FAM222B: variants seen among roughly 807,000 people sequenced by gnomAD.
The protein encoded by FAM222B is protein FAM222B.
FAM222B carries 12 observed loss-of-function variants against 38.0 expected under a neutral mutation model. That is an observed-to-expected ratio of 0.32 (90% CI 0.20 to 0.51). FAM222B has a LOEUF of 0.51. Among genes scored for constraint, FAM222B ranks in the 20% least tolerant of loss-of-function variants. The pLI, the probability that FAM222B is intolerant of heterozygous loss-of-function variation, is 0.97. For synonymous variants in FAM222B, 329 were observed against 317.2 expected (o/e 1.04, Z -0.40); for missense variants, 716 against 754.2 (o/e 0.95, Z 0.59).
At chr17:28,818,695 G>A (rs2038113534) in intron 1 of FAM222B, among the ~76,000 whole-genome samples, 1 of 152,140 alleles carries the variant, frequency 6.6e-6, no homozygotes, top group Non-Finnish European at 1.5e-5. Context: ...CAAAATGACT[G>A]CTCCATCATT....
At chr17:28,771,285 A>G (rs997885754) in intron 1 of FAM222B, among the ~76,000 whole-genome samples, 1 of 152,154 alleles carries the variant, frequency 6.6e-6, no homozygotes, top group African/African-American at 2.4e-5. Context: ...ATAACTGAGG[A>G]AGGTAGAGTA....
At chr17:28,815,353 A>G (rs993803230) in intron 1 of FAM222B, among the ~76,000 whole-genome samples, 2 of 152,022 alleles carry the variant, frequency 1.3e-5, no homozygotes, top group Non-Finnish European at 1.5e-5. Context: ...AGCTGAGACT[A>G]CAGGTGCCTG....
In FAM222B at chr17:28,757,977, G is replaced by C. The variant is rs2034788378; in HGVS notation, c.*293C>G. On this transcript the variant is annotated 3_prime_UTR_variant, in exon 3 of 3. Coordinates refer to ENST00000581407, the MANE Select transcript of FAM222B (RefSeq NM_001077498.3). ...GGAAACAGGAAGAGATTCAAGAAAAGATGGGTGGGAGCTGGCTGGAAATGG... is the reference window on the plus strand; with the variant it reads ...GGAAACAGGAAGAGATTCAAGAAAACATGGGTGGGAGCTGGCTGGAAATGG... The C allele has an allele frequency of 3.3e-6, 1 of 307,180 alleles. No homozygotes were observed. The highest frequency in any genetic ancestry group is 6.6e-5 in the South Asian group (1 of 15,066). 19.0% of individuals were successfully genotyped at this position (307,180 alleles called of 1,614,324 possible). A position where few individuals can be genotyped will look rare whatever the true frequency, so the allele number is the denominator to read the frequency against.
At position 28,811,819 on chromosome 17, in the gene FAM222B, A is replaced by G. The variant is rs528711118; in HGVS notation, c.-41+30863T>C. 3.9e-5 allele frequency among the ~76,000 whole-genome samples: 6 copies of G among 152,342 alleles called. No homozygotes were observed. The South Asian group carries it at 1.2e-3, about 32-fold the overall frequency. ...TCAGATTGTTATTGCTGATCAAGGC[A>G]GTCCCAAGGAGGAAAATGGTGAAGA... On this transcript the variant is annotated intron_variant, in intron 1 of 2. Coordinates refer to ENST00000581407, the MANE Select transcript of FAM222B (RefSeq NM_001077498.3).
intron 1 of FAM222B, among the ~76,000 whole-genome samples, chr17:28,791,602 C>T (rs1162801115): frequency 6.6e-6 from 1 of 151,218 alleles, no homozygotes; most frequent in African/African-American, 2.4e-5. Flanking sequence ...TACCCTAAGC[C>T]AGGTGCAGTG....
chr17:28,825,919 C>G (rs1167335850), intron 1 of FAM222B, among the ~76,000 whole-genome samples: 1 of 151,786 alleles, frequency 6.6e-6, no homozygotes, highest in Admixed American at 6.6e-5. Flanking sequence ...GGATTACAGG[C>G]ACCCACCACC....
chr17:28,854,165 G>T (rs1013567187), intron 1 of FAM222B, among the ~76,000 whole-genome samples: 15 of 151,972 alleles, frequency 9.9e-5, no homozygotes, highest in South Asian at 2.1e-4. Flanking sequence ...GGATGGTCTC[G>T]ATCTCCTGAC....
chr17:28,800,253 T>G (rs1219702782), intron 1 of FAM222B, among the ~76,000 whole-genome samples: 2 of 152,182 alleles, frequency 1.3e-5, no homozygotes, highest in Non-Finnish European at 2.9e-5. Context: ...GGTCTCGAAC[T>G]CCCGACCTCA....
chr17:28,799,486 T>C (rs2037115749), intron 1 of FAM222B, among the ~76,000 whole-genome samples: 1 of 150,692 alleles, frequency 6.6e-6, no homozygotes, highest in Admixed American at 6.6e-5. Context: ...TGTTGTTGTA[T>C]TTTTAGTAGA....
intron 2 of FAM222B, among the ~76,000 whole-genome samples, chr17:28,762,867 A>T (rs1428096317): frequency 1.4e-5 from 2 of 144,988 alleles, no homozygotes; most frequent in African/African-American, 5.2e-5. Flanking sequence ...TAAACCCGGG[A>T]GGCAGGGTTG....
rs1296048474 is a variant in FAM222B at position 28,759,554 on chromosome 17, G to C, written c.405C>G (p.Pro135=). The change falls in exon 3 of 3, where the codon CCC becomes CCG. Residue 135 remains proline (P), a synonymous_variant. Transcript: ENST00000581407. The surrounding 1 kb of genome is among the most constrained non-coding windows in gnomAD (Gnocchi z 4.8). Reference sequence around the variant, plus strand: ...AAGTGCTGGGTGCCACAGTAGCATAGGGTGCCACTGGGGGGTTCATGATGG... The same window carrying C: ...AAGTGCTGGGTGCCACAGTAGCATACGGTGCCACTGGGGGGTTCATGATGG... ...PEAIMNPPVA[P]YATVAPSTLA... 1.2e-6 allele frequency: 2 copies of C among 1,607,370 alleles called. No homozygotes were observed. Among genetic ancestry groups the C allele is most frequent in the Non-Finnish European group, 1.7e-6 (2 of 1,176,310 alleles).
chr17:28,847,376 C>T (rs1357672286), upstream of FAM222B, among the ~76,000 whole-genome samples: 1 of 151,404 alleles, frequency 6.6e-6, no homozygotes, highest in African/African-American at 2.4e-5. Flanking sequence ...AGGCGGATCA[C>T]GAGGTCAGGA....
chr17:28,760,524 G>C (rs1367105636), intron 2 of FAM222B, among the ~76,000 whole-genome samples: 1 of 151,832 alleles, frequency 6.6e-6, no homozygotes, highest in Non-Finnish European at 1.5e-5. Flanking sequence ...AGGTTGCAGT[G>C]AGCCGACATC....
At position 28,756,001 on chromosome 17, in the gene FAM222B, G is replaced by T. The variant is rs1053721182; in HGVS notation, c.*2269C>A. The T allele has an allele frequency of 6.6e-6, 1 of 152,530 alleles. No homozygotes were observed. The highest frequency in any genetic ancestry group is 1.5e-5 in the Non-Finnish European group (1 of 68,028). 9.4% of individuals were successfully genotyped at this position (152,530 alleles called of 1,614,324 possible). The stretch of plus-strand genomic sequence containing the variant: ...AAGCGAGGTTTTCTTATTTTTACTG[G>T]TTTATAATAATCTTAAAAACCCCAT... On this transcript the variant is annotated 3_prime_UTR_variant, in exon 3 of 3. Transcript: ENST00000581407.
chr17:28,799,975 T>C (rs2037141687), intron 1 of FAM222B, among the ~76,000 whole-genome samples: 1 of 152,050 alleles, frequency 6.6e-6, no homozygotes, highest in African/African-American at 2.4e-5. Flanking sequence ...AGACTGCTGT[T>C]GTATGTAACT....
At chr17:28,797,424 TGAA>T (rs2036995007) in intron 1 of FAM222B, among the ~76,000 whole-genome samples, 1 of 152,200 alleles carries the variant, frequency 6.6e-6, no homozygotes, top group Non-Finnish European at 1.5e-5. Flanking sequence ...ATAAAGTTTT[TGAA>T]GAAGGGCAAT....
At chr17:28,825,580 T>C (rs1193378307) in intron 1 of FAM222B, among the ~76,000 whole-genome samples, 1 of 152,140 alleles carries the variant, frequency 6.6e-6, no homozygotes, top group Non-Finnish European at 1.5e-5. Context: ...GCCTGATTTC[T>C]GTTCCTTCAA....
At chr17:28,777,375 C>A (rs1298083353) in intron 1 of FAM222B, among the ~76,000 whole-genome samples, 1 of 152,154 alleles carries the variant, frequency 6.6e-6, no homozygotes. Flanking sequence ...ACTATTTATA[C>A]CACTGCTCTC....
At chr17:28,767,660 G>C (rs540541279) in intron 1 of FAM222B, among the ~76,000 whole-genome samples, 1 of 151,784 alleles carries the variant, frequency 6.6e-6, no homozygotes, top group South Asian at 2.1e-4. Flanking sequence ...ACTTTTAGTA[G>C]AGATGGGGTT....
Sources: allele counts gnomAD v4.1 joint callset (sites outside exome capture counted in the v4.1 genomes callset), GRCh38; gene constraint gnomAD v4.1.1; non-coding constraint Gnocchi (gnomAD v3.1); transcripts MANE v1.5; gene names NCBI Gene and HGNC (gene_info 2026-07-23, HGNC 2026-07-21).